The following STX2 variants were observed in gnomAD, a reference collection of about 807,000 sequenced individuals.
STX2 encodes the protein syntaxin-2.
Under a neutral mutation model 40.6 loss-of-function variants are expected in STX2, and 27 were observed. The ratio of observed to expected loss-of-function variants is 0.66; its 90% CI spans 0.49 to 0.92. The LOEUF (loss-of-function observed/expected upper bound fraction) is 0.92. Among genes scored for constraint, STX2 ranks in the 40% least tolerant of loss-of-function variants. STX2 has a pLI of 0.00. For synonymous variants in STX2, 123 were observed against 119.1 expected (o/e 1.03, Z -0.22); for missense variants, 328 against 366.1 (o/e 0.90, Z 0.85).
intron 1 of STX2, among the ~76,000 whole-genome samples, chr12:130,834,580 A>G (rs958005297): frequency 6.6e-6 from 1 of 152,198 alleles, no homozygotes; most frequent in African/African-American, 2.4e-5. Context: ...TAAATTCAGA[A>G]TAGACCTCAA....
At chr12:130,818,832 C>G (rs7968675) in intron 3 of STX2, among the ~76,000 whole-genome samples, 1 of 151,962 alleles carries the variant, frequency 6.6e-6, no homozygotes, top group East Asian at 2.0e-4. Flanking sequence ...ACTGCAGGAG[C>G]GAATCAAATC....
chr12:130,818,206 AT>A (rs1951958826), intron 3 of STX2, among the ~76,000 whole-genome samples: 2 of 125,824 alleles, frequency 1.6e-5, no homozygotes, highest in South Asian at 2.3e-4. Context: ...ATATATATAT[AT>A]ATATATATAT....
At chr12:130,810,978 C>T (rs1213866030) in intron 4 of STX2, 1 of 152,226 alleles carries the variant, frequency 6.6e-6, no homozygotes, top group African/African-American at 2.4e-5. Flanking sequence ...TCTGTATTTA[C>T]TGTGGGCTCA....
At chr12:130,816,192 G>C (rs1159758928) in intron 3 of STX2, among the ~76,000 whole-genome samples, 1 of 152,204 alleles carries the variant, frequency 6.6e-6, no homozygotes, top group Non-Finnish European at 1.5e-5. Flanking sequence ...CAGCGCCTGA[G>C]CACAGCTGAG....
At chr12:130,793,899 G>C (rs1310705670) in intron 10 of STX2, among the ~76,000 whole-genome samples, 4 of 152,188 alleles carry the variant, frequency 2.6e-5, no homozygotes, top group African/African-American at 4.8e-5. Flanking sequence ...TATTCATTTT[G>C]GTCTGCTTTT....
At chr12:130,824,716 T>A (rs941646406) in intron 2 of STX2, among the ~76,000 whole-genome samples, 1 of 152,204 alleles carries the variant, frequency 6.6e-6, no homozygotes, top group Non-Finnish European at 1.5e-5. Context: ...ACACTCACCA[T>A]GTGAAATTCA....
chr12:130,819,878 G>A (rs909301121), intron 3 of STX2, among the ~76,000 whole-genome samples: 1 of 152,186 alleles, frequency 6.6e-6, no homozygotes, highest in Admixed American at 6.5e-5. Context: ...CAGCACCCTG[G>A]CTGCACGGAC....
intron 4 of STX2, chr12:130,810,944 C>T (rs1951624905): frequency 6.6e-6 from 1 of 152,224 alleles, no homozygotes; most frequent in South Asian, 2.1e-4. Context: ...CACCCTGCAA[C>T]ACATTCAGTA....
intron 6 of STX2, among the ~76,000 whole-genome samples, chr12:130,803,257 T>G (rs1173600433): frequency 6.6e-6 from 1 of 152,140 alleles, no homozygotes; most frequent in Non-Finnish European, 1.5e-5. Context: ...TCCCAGTGCT[T>G]TGGGAGACCA....
rs1411075080 is a variant in STX2 at position 130,808,715 on chromosome 12, A to T, written c.281-11T>A. The T allele has an allele frequency of 6.3e-7, 1 of 1,599,914 alleles. No individual in the cohort carries two copies. Among genetic ancestry groups the T allele is most frequent in the Non-Finnish European group, 8.5e-7 (1 of 1,173,456 alleles). ...AACTTTGTTCAATAGCTAGGAACAA[A>T]TAGGAAATAATTACCTTCCAAATTT... On this transcript the variant is annotated splice_polypyrimidine_tract_variant and intron_variant, in intron 4 of 10. Transcript: ENST00000392373.
At chr12:130,807,472 G>A (rs562059549) in intron 5 of STX2, among the ~76,000 whole-genome samples, 12 of 151,044 alleles carry the variant, frequency 7.9e-5, no homozygotes, top group South Asian at 4.2e-4. Flanking sequence ...CCCAGAGCCC[G>A]CGTGCTTCAT....
chr12:130,807,074 C>T lies in STX2; in HGVS notation c.371G>A (p.Arg124Gln). The change falls in exon 6 of 11, where the codon CGG becomes CAG. Residue 124 changes from arginine to glutamine, a missense_variant. Physicochemically the swap from Arg to Gln is conservative, Grantham distance 43. Coordinates refer to ENST00000392373, the MANE Select transcript of STX2 (RefSeq NM_194356.4). ...IRRTQHSVLS[R>Q]KFVEAMAEYN... ...CTCCGCCATGGCTTCCACAAACTTC[C>T]GAGACAGCACCGAATGCTAACAACA... 3.1e-6 allele frequency: 5 copies of T among 1,614,174 alleles called. No homozygotes were observed. The highest frequency in any genetic ancestry group is 1.3e-5 in the African/African-American group (1 of 75,040).
chr12:130,804,986 T>C lies in STX2; in HGVS notation c.463+1996A>G, dbSNP rs75290949. On this transcript the variant is annotated intron_variant, in intron 6 of 10. Coordinates refer to ENST00000392373, the MANE Select transcript of STX2 (RefSeq NM_194356.4). ...ATGGGGAGTGAAGACAGGATGGACC[T>C]GCAGGAGAGATGGTGCGGGGCCTTC... Among the ~76,000 whole-genome samples the C allele has an allele frequency of 2.0e-3, 300 of 152,256 alleles. 1 individual carries two copies. Among genetic ancestry groups the C allele is most frequent in the African/African-American group, 7.1e-3 (294 of 41,556 alleles).
chr12:130,818,960 C>T (rs919532638), intron 3 of STX2, among the ~76,000 whole-genome samples: 6 of 152,158 alleles, frequency 3.9e-5, no homozygotes, highest in Admixed American at 3.3e-4. Context: ...GAAATTTCTA[C>T]GTTTTGCAAA....
chr12:130,830,617 G>C lies in STX2; in HGVS notation c.31-3350C>G, dbSNP rs113018036. On this transcript the variant is annotated intron_variant, in intron 1 of 10. Transcript: ENST00000392373. ...GACTTATATGTCTTATTTCTACCTG[G>C]AAGTCTCAAAACTGATTAGATAACA... Among the ~76,000 whole-genome samples the C allele has an allele frequency of 5.0e-3, 767 of 152,100 alleles. 6 individuals carry two copies. The highest frequency in any genetic ancestry group is 0.017 in the African/African-American group (719 of 41,472).
chr12:130,794,256 A>G (rs1950961771), intron 10 of STX2, among the ~76,000 whole-genome samples: 1 of 150,176 alleles, frequency 6.7e-6, no homozygotes. Context: ...CAAAGCTAAG[A>G]AGAAAAAAAT....
chr12:130,807,051 C>T lies in STX2; in HGVS notation c.394G>A (p.Glu132Lys). 1.2e-6 allele frequency: 2 copies of T among 1,614,244 alleles called. No homozygotes were observed. Among genetic ancestry groups the T allele is most frequent in the South Asian group, 2.2e-5 (2 of 91,088 alleles). ...LSRKFVEAMA[E>K]YNEAQTLFRE... ...AACAGAGTCTGTGCCTCATTGTACT[C>T]CGCCATGGCTTCCACAAACTTCCGA... Residue 132 changes from glutamate to lysine, a missense_variant, in exon 6 of 11, where the codon GAG (glutamate) becomes AAG (lysine). Physicochemically the swap from Glu to Lys is moderately conservative, Grantham distance 56. Coordinates refer to ENST00000392373, the MANE Select transcript of STX2 (RefSeq NM_194356.4).
intron 3 of STX2, among the ~76,000 whole-genome samples, chr12:130,818,617 C>T (rs556446290): frequency 3.3e-5 from 5 of 151,976 alleles, no homozygotes; most frequent in East Asian, 1.9e-4. Context: ...TGATTTCCCG[C>T]GGAAAAGCAC....
At chr12:130,816,635 C>A (rs1466771281) in intron 3 of STX2, among the ~76,000 whole-genome samples, 2 of 152,096 alleles carry the variant, frequency 1.3e-5, no homozygotes, top group African/African-American at 4.8e-5. Context: ...CTTTCTAAAT[C>A]TGTGTAAAGC....
Sources: allele counts gnomAD v4.1 joint callset (sites outside exome capture counted in the v4.1 genomes callset), GRCh38; gene constraint gnomAD v4.1.1; transcripts MANE v1.5; gene names NCBI Gene and HGNC (gene_info 2026-07-23, HGNC 2026-07-21).